The following MYT1L variants were observed in gnomAD, a reference collection of about 807,000 sequenced individuals.
MYT1L encodes myelin transcription factor 1-like protein.
MYT1L carries 12 observed loss-of-function variants against 126.7 expected under a neutral mutation model. That is an observed-to-expected ratio of 0.09 (90% CI 0.06 to 0.15). The LOEUF (loss-of-function observed/expected upper bound fraction) is 0.15, where lower values mean the gene tolerates loss of function less well. Among genes scored for constraint, MYT1L ranks in the 10% least tolerant of loss-of-function variants. MYT1L has a pLI of 1.00. For missense variants in MYT1L, 979 were observed against 1,585.2 expected, an observed-to-expected ratio of 0.62 and a Z score of 6.49; for synonymous variants, 541 against 604.2, an observed-to-expected ratio of 0.90 and a Z score of 1.53.
Position 1,951,684 on chromosome 2 carries a change from G to T in MYT1L, c.153-8350C>A, listed in dbSNP as rs564320706. On this transcript the variant is annotated intron_variant, in intron 8 of 24. Transcript: ENST00000647738. Reference sequence around the variant, plus strand: ...GCCTCAGTCTATCCATCTGTGAGATGAAGGGTAGTGCCCATGCTACACACT... The same window carrying T: ...GCCTCAGTCTATCCATCTGTGAGATTAAGGGTAGTGCCCATGCTACACACT... 7.2e-5 allele frequency among the ~76,000 whole-genome samples: 11 copies of T among 152,344 alleles called. No homozygotes were observed. The East Asian group carries it at 1.3e-3, about 19-fold the overall frequency.
intron 4 of MYT1L, among the ~76,000 whole-genome samples, chr2:2,039,811 C>T (rs986380087): frequency 1.3e-5 from 2 of 152,122 alleles, no homozygotes; most frequent in African/African-American, 2.4e-5. Context: ...AGGGACATGA[C>T]ACTTGGGAAG....
At chr2:2,063,421 C>A (rs577332127) in intron 3 of MYT1L, among the ~76,000 whole-genome samples, 1 of 152,084 alleles carries the variant, frequency 6.6e-6, no homozygotes, top group Non-Finnish European at 1.5e-5. Context: ...TTCACATGGG[C>A]GGGGCCTTCT....
intron 11 of MYT1L, among the ~76,000 whole-genome samples, chr2:1,913,392 C>T (rs1388613940): frequency 1.3e-5 from 2 of 152,126 alleles, no homozygotes; most frequent in Non-Finnish European, 1.5e-5. Flanking sequence ...TGGCACCTGG[C>T]TGGAGGGGGT....
chr2:1,982,187 G>GA (rs2060658945), intron 5 of MYT1L, among the ~76,000 whole-genome samples: 1 of 152,172 alleles, frequency 6.6e-6, no homozygotes, highest in African/African-American at 2.4e-5. Context: ...TGAGAGTCAA[G>GA]AAGCCTAAAG....
chr2:2,150,912 A>G (rs1173241442), intron 3 of MYT1L, among the ~76,000 whole-genome samples: 1 of 95,494 alleles, frequency 1.0e-5, no homozygotes, highest in Non-Finnish European at 2.1e-5. Context: ...GGAGGGAGGG[A>G]GACGGAGGGA....
At chr2:1,993,998 G>C (rs1234509584) in intron 5 of MYT1L, among the ~76,000 whole-genome samples, 1 of 152,114 alleles carries the variant, frequency 6.6e-6, no homozygotes, top group Non-Finnish European at 1.5e-5. Flanking sequence ...TGTACACTGC[G>C]GTGCTAACCC....
chr2:1,952,727 C>T (rs1395184941), intron 8 of MYT1L, among the ~76,000 whole-genome samples: 1 of 56,848 alleles, frequency 1.8e-5, no homozygotes. Flanking sequence ...TCCTTCCTTC[C>T]CTTCCCTCCT....
chr2:1,985,681 G>C (rs1462861693), intron 5 of MYT1L, among the ~76,000 whole-genome samples: 5 of 152,206 alleles, frequency 3.3e-5, no homozygotes, highest in Non-Finnish European at 7.3e-5. Context: ...AGACTTCTAT[G>C]CCTAGTTTGA....
chr2:2,010,756 G>A (rs900794912), intron 4 of MYT1L, among the ~76,000 whole-genome samples: 1 of 152,108 alleles, frequency 6.6e-6, no homozygotes, highest in Non-Finnish European at 1.5e-5. Flanking sequence ...AACACTTCCC[G>A]ACTTCAAAAC....
At chr2:2,209,020 A>T (rs73913256) in intron 2 of MYT1L, among the ~76,000 whole-genome samples, 4,110 of 152,062 alleles carry the variant, frequency 0.027, 174 homozygotes, top group African/African-American at 0.092. Flanking sequence ...ACACACACAC[A>T]CACACCCCAA....
At chr2:1,981,011 A>G (rs1284780654) in intron 5 of MYT1L, among the ~76,000 whole-genome samples, 1 of 152,154 alleles carries the variant, frequency 6.6e-6, no homozygotes, top group Non-Finnish European at 1.5e-5. Flanking sequence ...GACTGAGTGA[A>G]GAAGACTCAT....
intron 8 of MYT1L, among the ~76,000 whole-genome samples, chr2:1,952,546 A>T (rs2057855363): frequency 6.6e-6 from 1 of 151,056 alleles, no homozygotes; most frequent in Non-Finnish European, 1.5e-5. Flanking sequence ...TTATATGTCT[A>T]TTTTTTCTTC....
At chr2:2,302,913 T>C (rs1233722347) in intron 1 of MYT1L, among the ~76,000 whole-genome samples, 1 of 152,216 alleles carries the variant, frequency 6.6e-6, no homozygotes, top group Non-Finnish European at 1.5e-5. Flanking sequence ...TTGTGAATGA[T>C]GTTTGATCAT....
chr2:2,217,703 CAACAAA>C lies in MYT1L; in HGVS notation c.-420-44721_-420-44716del, dbSNP rs1337589651. On this transcript the variant is annotated intron_variant, in intron 2 of 24. Coordinates refer to ENST00000647738, the MANE Select transcript of MYT1L (RefSeq NM_001303052.2). ...ACAACAACAACAACAACAACAACAACAACAAAAAAAAAAAAAGAAAGAAGGAAAAAG... is the reference window on the plus strand; with the variant it reads ...ACAACAACAACAACAACAACAACAACAAAAAAAAAAGAAAGAAGGAAAAAG... Among the ~76,000 whole-genome samples, 16 of 74,034 alleles carry C rather than the reference CAACAAA, an allele frequency of 2.2e-4. 2 individuals are homozygous for C. The highest frequency in any genetic ancestry group is 2.8e-4 in the Non-Finnish European group (11 of 39,046). 48.6% of individuals were successfully genotyped at this position (74,034 alleles called of 152,430 possible). A position where few individuals can be genotyped will look rare whatever the true frequency, so the allele number is the denominator to read the frequency against.
chr2:2,045,843 C>T (rs1450550606), intron 4 of MYT1L, among the ~76,000 whole-genome samples: 1 of 152,158 alleles, frequency 6.6e-6, no homozygotes, highest in African/African-American at 2.4e-5. Context: ...GGCCTGGTGT[C>T]CCTATGTTTG....
intron 2 of MYT1L, among the ~76,000 whole-genome samples, chr2:2,186,994 T>G (rs1055633658): frequency 2.6e-5 from 4 of 152,140 alleles, no homozygotes; most frequent in East Asian, 1.9e-4. Context: ...AATAAAGAAT[T>G]TTTTTCTAAA....
intron 14 of MYT1L, among the ~76,000 whole-genome samples, chr2:1,892,506 C>CTTTTT (rs5828877): frequency 1.5e-5 from 2 of 134,286 alleles, no homozygotes; most frequent in Admixed American, 1.5e-4. Flanking sequence ...TTCCTTTTTC[C>CTTTTT]TTTTTTTTTT....
At chr2:2,226,458 C>G (rs1400036335) in intron 2 of MYT1L, among the ~76,000 whole-genome samples, 3 of 152,204 alleles carry the variant, frequency 2.0e-5, no homozygotes, top group African/African-American at 7.2e-5. Flanking sequence ...GCCGTGGACA[C>G]CGCTCTCCTG....
intron 18 of MYT1L, among the ~76,000 whole-genome samples, chr2:1,854,302 T>G (rs1031991770): frequency 2.0e-5 from 3 of 152,180 alleles, no homozygotes; most frequent in Non-Finnish European, 2.9e-5. Context: ...GATTAGTCTT[T>G]AAAGTAGGGC....
Sources: gnomAD v4.1 joint callset for allele counts (sites outside exome capture counted in the v4.1 genomes callset) on GRCh38, gnomAD v4.1.1 for gene constraint, MANE v1.5 for transcripts, NCBI Gene and HGNC (gene_info 2026-07-23, HGNC 2026-07-21) for gene names.